MIPOL1: variants seen among roughly 807,000 people sequenced by gnomAD.
MIPOL1 encodes mirror-image polydactyly 1, also known as mirror-image polydactyly gene 1 protein.
Under a neutral mutation model 60.9 loss-of-function variants are expected in MIPOL1, and 57 were observed. That is an observed-to-expected ratio of 0.94 (90% CI 0.76 to 1.17). The LOEUF is 1.17. Among genes scored for constraint, MIPOL1 ranks in the 50% most tolerant of loss-of-function variants. MIPOL1 has a pLI of 0.00. For missense variants in MIPOL1, 551 were observed against 511.6 expected, an observed-to-expected ratio of 1.08 and a Z score of -0.74; for synonymous variants, 179 against 168.8, an observed-to-expected ratio of 1.06 and a Z score of -0.47.
chr14:37,426,570 C>CATATATATATATATATATATATAT (rs68123796), intron 11 of MIPOL1, among the ~76,000 whole-genome samples: 107 of 85,492 alleles, frequency 1.3e-3, no homozygotes, highest in Admixed American at 1.6e-3. Flanking sequence ...TCAAAATATA[C>CATATATATATATATATATATATAT]ATATATATAT....
intron 9 of MIPOL1, among the ~76,000 whole-genome samples, chr14:37,312,996 G>A (rs752867880): frequency 5.3e-5 from 8 of 152,084 alleles, no homozygotes; most frequent in South Asian, 2.1e-4. Context: ...TTTAAATTTT[G>A]TAGGACCTTA....
In MIPOL1 at chr14:37,316,909, C is replaced by T. The variant is rs537667091; in HGVS notation, c.828+8390C>T. On this transcript the variant is annotated intron_variant, in intron 9 of 12. Coordinates refer to ENST00000684589, the MANE Select transcript of MIPOL1 (RefSeq NM_001388067.1). ...AGGAGAATCGCTTGAACCCAGGAGG[C>T]GGAGGTTGCAGTGAGCCGAGATTGT... Among the ~76,000 whole-genome samples the T allele has an allele frequency of 3.3e-5, 5 of 151,936 alleles. No individual in the cohort carries two copies. The East Asian group carries it at 7.8e-4, about 24-fold the overall frequency.
At chr14:37,207,276 G>A (rs1038057282) in intron 1 of MIPOL1, among the ~76,000 whole-genome samples, 8 of 151,900 alleles carry the variant, frequency 5.3e-5, no homozygotes, top group East Asian at 1.9e-4. Context: ...GAACCCTTTC[G>A]CTTGGCTTTC....
At chr14:37,388,740 A>G (rs1174131897) in intron 10 of MIPOL1, among the ~76,000 whole-genome samples, 2 of 152,052 alleles carry the variant, frequency 1.3e-5, no homozygotes, top group Non-Finnish European at 2.9e-5. Flanking sequence ...GTAGAGTCAT[A>G]TAATACCTAC....
At chr14:37,285,954 T>TA (rs1329904289) in intron 7 of MIPOL1, among the ~76,000 whole-genome samples, 2 of 152,128 alleles carry the variant, frequency 1.3e-5, no homozygotes, top group African/African-American at 2.4e-5. Context: ...GCAGTCAGTT[T>TA]AAAAAAAGAA....
At chr14:37,518,927 ACT>A (rs199697445) in intron 12 of MIPOL1, among the ~76,000 whole-genome samples, 1 of 56,838 alleles carries the variant, frequency 1.8e-5, no homozygotes, top group South Asian at 4.1e-4. Context: ...CAAAAAATAA[ACT>A]CTTTGATTAC....
intron 5 of MIPOL1, 78 bp from the exon 6 acceptor site, chr14:37,270,342 C>A: frequency 2.8e-6 from 2 of 722,054 alleles, no homozygotes; most frequent in South Asian, 3.4e-5. Context: ...AAGAAAAAAC[C>A]AAAAACTTTG....
chr14:37,374,610 C>G (rs1595470727), intron 10 of MIPOL1, among the ~76,000 whole-genome samples: 1 of 152,086 alleles, frequency 6.6e-6, no homozygotes, highest in African/African-American at 2.4e-5. Flanking sequence ...TATGGCTAGC[C>G]AGTTTTCCCA....
chr14:37,470,994 G>A (rs2094681390), intron 11 of MIPOL1, among the ~76,000 whole-genome samples: 2 of 152,214 alleles, frequency 1.3e-5, no homozygotes, highest in South Asian at 2.1e-4. Context: ...ATTGGTTATA[G>A]TGTTCACTGT....
At chr14:37,274,540 A>G (rs1453615036) in intron 6 of MIPOL1, among the ~76,000 whole-genome samples, 1 of 151,442 alleles carries the variant, frequency 6.6e-6, no homozygotes. Flanking sequence ...GACACTGAAT[A>G]TAGATCAGCA....
At chr14:37,334,892 A>G (rs761490525) in intron 9 of MIPOL1, among the ~76,000 whole-genome samples, 3 of 152,198 alleles carry the variant, frequency 2.0e-5, no homozygotes, top group East Asian at 1.9e-4. Context: ...TTGTATGGAT[A>G]TATGCCATAT....
chr14:37,481,874 T>C (rs985508246), intron 11 of MIPOL1, among the ~76,000 whole-genome samples: 19 of 152,104 alleles, frequency 1.2e-4, no homozygotes, highest in Admixed American at 1.2e-3. Flanking sequence ...TTAGAAAACT[T>C]GATATTTACA....
intron 11 of MIPOL1, among the ~76,000 whole-genome samples, chr14:37,445,647 G>A (rs1301169747): frequency 6.6e-6 from 1 of 151,666 alleles, no homozygotes; most frequent in Non-Finnish European, 1.5e-5. Context: ...AAAGCTGGAG[G>A]CATCACACTA....
chr14:37,529,636 A>G (rs954764663), intron 12 of MIPOL1, among the ~76,000 whole-genome samples: 4 of 152,204 alleles, frequency 2.6e-5, no homozygotes, highest in Non-Finnish European at 5.9e-5. Context: ...AGTACAGGTA[A>G]TACGGCGACA....
intron 7 of MIPOL1, among the ~76,000 whole-genome samples, chr14:37,292,266 A>C (rs1005198243): frequency 2.6e-5 from 4 of 151,890 alleles, no homozygotes; most frequent in Admixed American, 1.3e-4. Flanking sequence ...TGGAGAGGAC[A>C]AGCATTCAAA....
chr14:37,318,289 C>A (rs1262112976), intron 9 of MIPOL1, among the ~76,000 whole-genome samples: 2 of 152,012 alleles, frequency 1.3e-5, no homozygotes, highest in Non-Finnish European at 2.9e-5. Flanking sequence ...TAGTGTCTAG[C>A]ATGTAATAGA....
At chr14:37,237,338 G>A (rs1464577736) in intron 1 of MIPOL1, among the ~76,000 whole-genome samples, 1 of 152,114 alleles carries the variant, frequency 6.6e-6, no homozygotes, top group Non-Finnish European at 1.5e-5. Flanking sequence ...TCAAGTACAA[G>A]ACTCCCACTG....
At chr14:37,222,344 T>C (rs1968940369) in intron 1 of MIPOL1, among the ~76,000 whole-genome samples, 1 of 150,750 alleles carries the variant, frequency 6.6e-6, no homozygotes, top group Admixed American at 6.6e-5. Context: ...CACCTCAGCC[T>C]CCTGAGTAGC....
At chr14:37,451,877 C>G (rs532205854) in intron 11 of MIPOL1, among the ~76,000 whole-genome samples, 39 of 135,176 alleles carry the variant, frequency 2.9e-4, no homozygotes, top group African/African-American at 1.1e-3. Flanking sequence ...TGCAGTGGCG[C>G]AATCTCGGCT....
Sources: allele counts gnomAD v4.1 joint callset (sites outside exome capture counted in the v4.1 genomes callset), GRCh38; gene constraint gnomAD v4.1.1; transcripts MANE v1.5; gene names NCBI Gene and HGNC (gene_info 2026-07-23, HGNC 2026-07-21).